CHRM3: variants seen among roughly 807,000 people sequenced by gnomAD.
CHRM3 encodes muscarinic acetylcholine receptor M3.
In CHRM3, 11 loss-of-function variants were observed where a neutral mutation model predicts 41.8. The ratio of observed to expected loss-of-function variants is 0.26; its 90% confidence interval spans 0.17 to 0.44. The LOEUF is 0.44. Ranked by LOEUF, CHRM3 falls within the 20% of genes least tolerant of loss-of-function variation. CHRM3 has a pLI of 1.00. For synonymous variants in CHRM3, 297 were observed against 301.4 expected, an observed-to-expected ratio of 0.99 and a Z score of 0.15; for missense variants, 571 against 745.4, an observed-to-expected ratio of 0.77 and a Z score of 2.72.
intron 3 of CHRM3, among the ~76,000 whole-genome samples, chr1:239,560,317 T>A (rs1660736301): frequency 6.6e-6 from 1 of 152,152 alleles, no homozygotes; most frequent in African/African-American, 2.4e-5. Flanking sequence ...TTTAATGATA[T>A]TTCTTTTTAT....
intron 5 of CHRM3, among the ~76,000 whole-genome samples, chr1:239,801,831 A>G (rs1204166133): frequency 6.6e-6 from 1 of 151,914 alleles, no homozygotes; most frequent in Non-Finnish European, 1.5e-5. Flanking sequence ...AAGCTTCTAG[A>G]ACTTTCTAGA....
rs576749972 is a variant in CHRM3, at chr1:239,477,277, C to T, written c.-520-15432C>T. Among the ~76,000 whole-genome samples the T allele has an allele frequency of 2.3e-4, 35 of 152,262 alleles. 1 individual carries two copies. The South Asian group carries it at 5.2e-3, about 23-fold the overall frequency. ...GGCAAGGCTAGCAATAATTCTGTAG[C>T]ATCTTGAGGACTACAAAGTTAGTAT... On this transcript the variant is annotated intron_variant, in intron 1 of 6. Transcript: ENST00000676153.
At chr1:239,799,685 A>G (rs1269946792) in intron 5 of CHRM3, among the ~76,000 whole-genome samples, 11 of 152,194 alleles carry the variant, frequency 7.2e-5, no homozygotes, top group Admixed American at 7.2e-4. Context: ...AATTTTTCAT[A>G]ACAGTGCAGA....
intron 6 of CHRM3, among the ~76,000 whole-genome samples, chr1:239,851,798 G>T (rs985904147): frequency 4.0e-5 from 6 of 151,842 alleles, no homozygotes; most frequent in Non-Finnish European, 8.8e-5. Context: ...GCATTAAAAA[G>T]GTATAGTTTT....
intron 2 of CHRM3, among the ~76,000 whole-genome samples, chr1:239,514,683 G>A (rs1410474431): frequency 6.6e-6 from 1 of 152,074 alleles, no homozygotes; most frequent in Non-Finnish European, 1.5e-5. Flanking sequence ...GTAAATCCTT[G>A]TCTTGTTTCT....
chr1:239,581,861 T>G (rs1662931113), intron 3 of CHRM3, among the ~76,000 whole-genome samples: 1 of 152,174 alleles, frequency 6.6e-6, no homozygotes, highest in Admixed American at 6.6e-5. Context: ...TGAATAGAAG[T>G]TAGGAGTTTA....
intron 2 of CHRM3, among the ~76,000 whole-genome samples, chr1:239,509,515 TAA>T (rs1668787024): frequency 6.6e-6 from 1 of 152,182 alleles, no homozygotes; most frequent in African/African-American, 2.4e-5. Flanking sequence ...TTCTGTGTGA[TAA>T]CCCCAGCCAA....
At chr1:239,503,483 C>T (rs1668374998) in intron 2 of CHRM3, among the ~76,000 whole-genome samples, 2 of 152,030 alleles carry the variant, frequency 1.3e-5, no homozygotes, top group African/African-American at 2.4e-5. Context: ...AACCATACTG[C>T]CAAAAGCAGT....
At chr1:239,614,836 A>G (rs1192454174) in intron 3 of CHRM3, among the ~76,000 whole-genome samples, 1 of 152,196 alleles carries the variant, frequency 6.6e-6, no homozygotes, top group Non-Finnish European at 1.5e-5. Context: ...AAAAGGTGGG[A>G]ATGATTTTAT....
intron 1 of CHRM3, among the ~76,000 whole-genome samples, chr1:239,404,396 GAA>G (rs879667868): frequency 0.023 from 1,450 of 64,418 alleles, 42 homozygotes; most frequent in African/African-American, 0.034. Context: ...AAGAAAGAAA[GAA>G]AGAAAGAAAG....
rs74636704 is a variant in CHRM3 at position 239,510,207 on chromosome 1, C to G, written c.-422+17400C>G. Among the ~76,000 whole-genome samples, 3 of 152,302 alleles carry G rather than the reference C, an allele frequency of 2.0e-5. No homozygotes were observed. The East Asian group carries it at 5.8e-4, about 29-fold the overall frequency. On this transcript the variant is annotated intron_variant, in intron 2 of 6. Coordinates refer to ENST00000676153, the MANE Select transcript of CHRM3 (RefSeq NM_001375978.1). ...TAAGATTGATTCTCCAGTATCTATC[C>G]TACTTCCAAATTGTTAGTTTAAGCC...
chr1:239,571,228 C>T (rs914931354), intron 3 of CHRM3, among the ~76,000 whole-genome samples: 1 of 152,240 alleles, frequency 6.6e-6, no homozygotes, highest in African/African-American at 2.4e-5. Context: ...GCATCACCTT[C>T]CCACTACACC....
At chr1:239,691,274 A>T (rs150672815) in intron 5 of CHRM3, among the ~76,000 whole-genome samples, 1 of 152,088 alleles carries the variant, frequency 6.6e-6, no homozygotes, top group Non-Finnish European at 1.5e-5. Context: ...ATAAAAAGAG[A>T]TACTGGTAAG....
Position 239,645,103 on chromosome 1 carries a change from C to T in CHRM3, c.-250+12817C>T, listed in dbSNP as rs539906467. On this transcript the variant is annotated intron_variant, in intron 4 of 6. Transcript: ENST00000676153. ...GAACTTGATATCTGGATGGCAGAGC[C>T]GCCCTCAGCCGTGCTTAGAGTATCA... Among the ~76,000 whole-genome samples the T allele has an allele frequency of 3.8e-4, 58 of 152,286 alleles. 1 individual carries two copies. The South Asian group carries it at 9.1e-3, about 24-fold the overall frequency.
intron 6 of CHRM3, among the ~76,000 whole-genome samples, chr1:239,846,891 C>A (rs2149201592): frequency 6.6e-6 from 1 of 152,182 alleles, no homozygotes; most frequent in Non-Finnish European, 1.5e-5. Flanking sequence ...GATGAGTACT[C>A]TATATAAATG....
At chr1:239,440,530 T>A (rs1451484644) in intron 1 of CHRM3, among the ~76,000 whole-genome samples, 1 of 152,172 alleles carries the variant, frequency 6.6e-6, no homozygotes, top group Admixed American at 6.5e-5. Flanking sequence ...AGGCTGCTGG[T>A]CTTAGACAAT....
At chr1:239,806,180 C>T (rs991837643) in intron 5 of CHRM3, among the ~76,000 whole-genome samples, 3 of 152,192 alleles carry the variant, frequency 2.0e-5, no homozygotes, top group Non-Finnish European at 4.4e-5. Context: ...GCACCTTTTT[C>T]CCAGCTTTGA....
chr1:239,715,815 A>C (rs1476397760), intron 5 of CHRM3, among the ~76,000 whole-genome samples: 2 of 152,132 alleles, frequency 1.3e-5, no homozygotes, highest in Non-Finnish European at 2.9e-5. Flanking sequence ...CCTGTAAATT[A>C]GGACAGGAGG....
chr1:239,906,176 T>C (rs539873945), intron 6 of CHRM3, among the ~76,000 whole-genome samples: 1 of 152,290 alleles, frequency 6.6e-6, no homozygotes, highest in South Asian at 2.1e-4. Flanking sequence ...TTTCCAGAAG[T>C]CTCTGTGTGA....
Sources: gnomAD v4.1 joint callset for allele counts (sites outside exome capture counted in the v4.1 genomes callset) on GRCh38, gnomAD v4.1.1 for gene constraint, MANE v1.5 for transcripts, NCBI Gene and HGNC (gene_info 2026-07-23, HGNC 2026-07-21) for gene names.